LRRC4C: variants seen among roughly 807,000 people sequenced by gnomAD.
LRRC4C encodes leucine-rich repeat-containing protein 4C.
In LRRC4C, 5 loss-of-function variants were observed where a neutral mutation model predicts 33.6. The ratio of observed to expected loss-of-function variants is 0.15; its 90% CI spans 0.08 to 0.31. LRRC4C has a LOEUF of 0.31. LRRC4C is among the 10% of genes least tolerant of loss of function. The probability of loss-of-function intolerance (pLI) is 1.00; values close to 1 mark genes in which losing one functional copy is unlikely to be tolerated. For missense variants in LRRC4C, 560 were observed against 796.7 expected, an observed-to-expected ratio of 0.70 and a Z score of 3.58; for synonymous variants, 329 against 302.0, an observed-to-expected ratio of 1.09 and a Z score of -0.93.
chr11:40,600,412 T>A (rs536791994), intron 3 of LRRC4C, among the ~76,000 whole-genome samples: 1 of 152,298 alleles, frequency 6.6e-6, no homozygotes, highest in Admixed American at 6.5e-5. Flanking sequence ...AGCAGGTCTG[T>A]TTTACTCCAA....
intron 5 of LRRC4C, among the ~76,000 whole-genome samples, chr11:40,151,218 C>G (rs1171289542): frequency 1.3e-5 from 2 of 152,158 alleles, no homozygotes; most frequent in Non-Finnish European, 2.9e-5. Flanking sequence ...ATTCTAATTC[C>G]CACTCCAATG....
At chr11:40,639,492 T>C (rs918154679) in intron 3 of LRRC4C, among the ~76,000 whole-genome samples, 4 of 152,222 alleles carry the variant, frequency 2.6e-5, no homozygotes, top group African/African-American at 4.8e-5. Context: ...CAGTACACCA[T>C]TGGTTCTACC....
intron 3 of LRRC4C, among the ~76,000 whole-genome samples, chr11:40,508,546 G>GAAAT (rs1955153108): frequency 6.6e-6 from 1 of 152,148 alleles, no homozygotes; most frequent in South Asian, 2.1e-4. Context: ...AGGCCAGAAT[G>GAAAT]AAATAATAGC....
At chr11:41,078,200 C>A (rs527651887) in intron 1 of LRRC4C, among the ~76,000 whole-genome samples, 1 of 152,344 alleles carries the variant, frequency 6.6e-6, no homozygotes, top group East Asian at 1.9e-4. Flanking sequence ...ATCTTCCTTT[C>A]TTCTGAGGCC....
At chr11:41,035,228 T>TATAA (rs1242705189) in intron 1 of LRRC4C, among the ~76,000 whole-genome samples, 1 of 149,390 alleles carries the variant, frequency 6.7e-6, no homozygotes, top group African/African-American at 2.5e-5. Context: ...TAAATAAATA[T>TATAA]ATAAATAAAT....
chr11:40,225,024 C>A (rs1864682219), intron 5 of LRRC4C, among the ~76,000 whole-genome samples: 1 of 152,128 alleles, frequency 6.6e-6, no homozygotes. Context: ...TTGACTAAGA[C>A]TAAAGCAACT....
intron 2 of LRRC4C, among the ~76,000 whole-genome samples, chr11:40,734,110 G>A (rs7115928): frequency 0.39 from 59,402 of 151,882 alleles, 12,208 homozygotes; most frequent in Middle Eastern, 0.48. Context: ...ATGAACCACA[G>A]TGTAAAGGAA....
chr11:40,809,891 C>G (rs1055559655), intron 2 of LRRC4C, among the ~76,000 whole-genome samples: 1 of 152,076 alleles, frequency 6.6e-6, no homozygotes, highest in African/African-American at 2.4e-5. Flanking sequence ...ACTTATATGA[C>G]TTTTAGTACT....
At chr11:41,001,967 G>T (rs1854414971) in intron 1 of LRRC4C, among the ~76,000 whole-genome samples, 3 of 151,926 alleles carry the variant, frequency 2.0e-5, no homozygotes, top group Admixed American at 2.0e-4. Flanking sequence ...CATTAAACGA[G>T]GGAGTCAGGC....
At chr11:40,211,216 T>C (rs1026332164) in intron 5 of LRRC4C, among the ~76,000 whole-genome samples, 30 of 152,364 alleles carry the variant, frequency 2.0e-4, no homozygotes, top group Middle Eastern at 6.8e-3. Flanking sequence ...GTAAGTCCCA[T>C]ATTAGATGAT....
At chr11:41,104,391 C>T (rs1452068606) in intron 1 of LRRC4C, among the ~76,000 whole-genome samples, 17 of 151,840 alleles carry the variant, frequency 1.1e-4, no homozygotes, top group Non-Finnish European at 1.5e-5. Context: ...TCAAGGAATG[C>T]TAATTAAAAT....
At chr11:41,157,181 T>C (rs1204155245) in intron 1 of LRRC4C, among the ~76,000 whole-genome samples, 3 of 152,046 alleles carry the variant, frequency 2.0e-5, no homozygotes, top group Admixed American at 6.6e-5. Context: ...TCTCAGGCAT[T>C]CTACCAGCCC....
chr11:41,320,686 T>C (rs1251977065), intron 1 of LRRC4C, among the ~76,000 whole-genome samples: 1 of 152,186 alleles, frequency 6.6e-6, no homozygotes, highest in Non-Finnish European at 1.5e-5. Flanking sequence ...GAAAACACAC[T>C]CATTTATTAC....
intron 4 of LRRC4C, among the ~76,000 whole-genome samples, chr11:40,284,976 G>A (rs748325239): frequency 6.6e-6 from 1 of 152,174 alleles, no homozygotes; most frequent in Middle Eastern, 3.4e-3. Context: ...GTGGTTTCGG[G>A]CATCCACTGG....
At chr11:41,330,095 A>C (rs975014343) in intron 1 of LRRC4C, among the ~76,000 whole-genome samples, 2 of 152,206 alleles carry the variant, frequency 1.3e-5, no homozygotes, top group Non-Finnish European at 2.9e-5. Flanking sequence ...CCATGCAATC[A>C]TGCAGGCAGT....
intron 5 of LRRC4C, among the ~76,000 whole-genome samples, chr11:40,209,785 C>G (rs1306316626): frequency 6.6e-6 from 1 of 152,118 alleles, no homozygotes. Flanking sequence ...TCCTCAAGAA[C>G]TTTAATTCTA....
intron 3 of LRRC4C, among the ~76,000 whole-genome samples, chr11:40,520,681 A>G (rs1955773153): frequency 6.6e-6 from 1 of 152,194 alleles, no homozygotes; most frequent in African/African-American, 2.4e-5. Flanking sequence ...CTGAAATGTG[A>G]CACAAAGAAG....
intron 5 of LRRC4C, among the ~76,000 whole-genome samples, chr11:40,184,388 TG>T (rs1222691593): frequency 1.3e-5 from 2 of 152,170 alleles, no homozygotes; most frequent in African/African-American, 4.8e-5. Context: ...TTGTCTCTTT[TG>T]AGCGGATTAG....
chr11:41,457,523 T>C (rs1956207794), intron 1 of LRRC4C, among the ~76,000 whole-genome samples: 1 of 152,126 alleles, frequency 6.6e-6, no homozygotes, highest in Admixed American at 6.6e-5. Context: ...TCATATATTA[T>C]TCTCACTTTC....
Sources: allele counts gnomAD v4.1 joint callset (sites outside exome capture counted in the v4.1 genomes callset), GRCh38; gene constraint gnomAD v4.1.1; transcripts MANE v1.5; gene names NCBI Gene and HGNC (gene_info 2026-07-23, HGNC 2026-07-21).